The following FBXO7 variants were observed in gnomAD, a reference collection of about 807,000 sequenced individuals.
FBXO7 encodes the protein F-box protein 7.
FBXO7 carries 31 observed loss-of-function variants against 50.2 expected under a neutral mutation model. The observed-to-expected ratio is 0.62, with a 90% CI of 0.46 to 0.83. The LOEUF (loss-of-function observed/expected upper bound fraction) is 0.83. FBXO7 is among the 40% of genes least tolerant of loss of function. FBXO7 has a pLI of 0.00. For missense variants in FBXO7, 667 were observed against 646.6 expected, an observed-to-expected ratio of 1.03 and a Z score of -0.34; for synonymous variants, 256 against 253.1, an observed-to-expected ratio of 1.01 and a Z score of -0.11.
chr22:32,484,539 G>T (rs2057486223), intron 3 of FBXO7, among the ~76,000 whole-genome samples: 1 of 152,154 alleles, frequency 6.6e-6, no homozygotes, highest in Admixed American at 6.5e-5. Context: ...TAGAAATTAG[G>T]ATATAAAAAT....
intron 5 of FBXO7, chr22:32,489,761 TAA>T (rs1357525485): frequency 6.6e-6 from 1 of 152,270 alleles, no homozygotes; most frequent in African/African-American, 2.4e-5. Context: ...GTATTTTTAA[TAA>T]AGTCTTATGT....
chr22:32,488,866 C>T (rs1305182488), intron 5 of FBXO7: 1 of 152,080 alleles, frequency 6.6e-6, no homozygotes, highest in Non-Finnish European at 1.5e-5. Flanking sequence ...GCTGGAGTGC[C>T]GTGGCGCTAT....
At chr22:32,493,579 C>T (rs552703105) in intron 7 of FBXO7, among the ~76,000 whole-genome samples, 9 of 152,264 alleles carry the variant, frequency 5.9e-5, no homozygotes, top group African/African-American at 1.9e-4. Flanking sequence ...GACGTAGAAA[C>T]GAGCTGGCAT....
At chr22:32,478,159 A>G (rs1172417031) in intron 1 of FBXO7, 2 of 152,292 alleles carry the variant, frequency 1.3e-5, no homozygotes, top group African/African-American at 2.4e-5. Flanking sequence ...GTGAGAGAGG[A>G]TGGATGGCAC....
chr22:32,481,260 T>C (rs997807479), intron 2 of FBXO7, among the ~76,000 whole-genome samples: 1 of 152,236 alleles, frequency 6.6e-6, no homozygotes, highest in Non-Finnish European at 1.5e-5. Flanking sequence ...TTCTGCCTCA[T>C]AGAGGTAAAC....
chr22:32,482,459 CA>C (rs1207353888), intron 2 of FBXO7, among the ~76,000 whole-genome samples: 5 of 152,164 alleles, frequency 3.3e-5, no homozygotes, highest in African/African-American at 1.2e-4. Flanking sequence ...AAGAGTTGGG[CA>C]TATGCCTAGG....
At chr22:32,476,145 C>G (rs62241252) in intron 1 of FBXO7, among the ~76,000 whole-genome samples, 21,102 of 151,912 alleles carry the variant, frequency 0.14, 1,938 homozygotes, top group Non-Finnish European at 0.22. Context: ...ACTTCTCGCC[C>G]TTTCATTTTC....
Position 32,484,127 on chromosome 22 carries a change from A to T in FBXO7, c.645+3A>T, listed in dbSNP as rs370890171. 5.2e-5 allele frequency: 84 copies of T among 1,608,878 alleles called. No individual in the cohort carries two copies. Among genetic ancestry groups the T allele is most frequent in the Non-Finnish European group, 7.1e-5 (84 of 1,175,268 alleles). Reference sequence around the variant, plus strand: ...TGGAGTCAGGTTACATACCTCAGGTAAGTACTGCAAGCAAAACACAGACAT... The same window carrying T: ...TGGAGTCAGGTTACATACCTCAGGTTAGTACTGCAAGCAAAACACAGACAT... On this transcript the variant is annotated splice_donor_region_variant and intron_variant, in intron 3 of 8. Transcript: ENST00000266087.
chr22:32,475,093 A>G lies in FBXO7; in HGVS notation c.91A>G (p.Arg31Gly). Reference protein sequence around the residue: ...PTLGHLRSHLRQSLLCTWGYS... With the variant: ...PTLGHLRSHLGQSLLCTWGYS... ...GCTGGGGCATTTGCGCTCGCACCTG[A>G]GGCAGTCCCTGCTGTGCACCTGGGG... Residue 31 changes from arginine to glycine, a missense_variant, in exon 1 of 9, where the codon AGG (arginine) becomes GGG (glycine). Coordinates refer to ENST00000266087, the MANE Select transcript of FBXO7 (RefSeq NM_012179.4). 13 of 1,545,408 alleles carry G rather than the reference A, an allele frequency of 8.4e-6. No homozygotes were observed. The highest frequency in any genetic ancestry group is 1.1e-5 in the Non-Finnish European group (13 of 1,145,540).
chr22:32,476,265 A>G (rs962134225), intron 1 of FBXO7, among the ~76,000 whole-genome samples: 1 of 152,120 alleles, frequency 6.6e-6, no homozygotes, highest in Non-Finnish European at 1.5e-5. Flanking sequence ...AGTAAGTGAC[A>G]TGCCTACTGT....
At chr22:32,485,251 T>G (rs1241076403) in intron 4 of FBXO7, 42 bp downstream of exon 4, 1 of 1,613,216 alleles carries the variant, frequency 6.2e-7, no homozygotes, top group Non-Finnish European at 8.5e-7. Context: ...TTATGGATTC[T>G]TAGACGTTTC....
chr22:32,487,669 C>T, intron 4 of FBXO7, 76 bp from the exon 5 acceptor site: 1 of 892,668 alleles, frequency 1.1e-6, no homozygotes, highest in Non-Finnish European at 1.8e-6. Flanking sequence ...CTAGGAAATG[C>T]AAGCCCATAC....
At chr22:32,496,863 G>A (rs115510383) in intron 8 of FBXO7, among the ~76,000 whole-genome samples, 333 of 152,366 alleles carry the variant, frequency 2.2e-3, no homozygotes, top group African/African-American at 7.0e-3. Flanking sequence ...CTGGACAAAG[G>A]AAATTGAAAA....
At chr22:32,482,056 C>T (rs2057468500) in intron 2 of FBXO7, among the ~76,000 whole-genome samples, 1 of 152,044 alleles carries the variant, frequency 6.6e-6, no homozygotes, top group South Asian at 2.1e-4. Flanking sequence ...CATTTTTCCT[C>T]ATATATTCTG....
At chr22:32,498,107 AC>A in intron 8 of FBXO7, 36 bp from the exon 9 acceptor site, 1 of 1,607,752 alleles carries the variant, frequency 6.2e-7, no homozygotes, top group Non-Finnish European at 8.5e-7. Flanking sequence ...CAGATCACTT[AC>A]CTTATCTTGT....
At chr22:32,481,286 A>C (rs1242749698) in intron 2 of FBXO7, among the ~76,000 whole-genome samples, 2 of 152,204 alleles carry the variant, frequency 1.3e-5, no homozygotes, top group African/African-American at 4.8e-5. Context: ...AATGAGTAAG[A>C]ATATTTCGCT....
intron 8 of FBXO7, among the ~76,000 whole-genome samples, 193 bp downstream of exon 8, chr22:32,495,723 A>G (rs2057570039): frequency 6.6e-6 from 1 of 152,214 alleles, no homozygotes; most frequent in African/African-American, 2.4e-5. Context: ...ATGGAAAAAA[A>G]TGTTATCATT....
At chr22:32,486,639 C>G (rs559806843) in intron 4 of FBXO7, among the ~76,000 whole-genome samples, 3 of 152,146 alleles carry the variant, frequency 2.0e-5, no homozygotes, top group African/African-American at 7.2e-5. Context: ...TGGCCTCTTA[C>G]GAAATTTCTA....
At chr22:32,492,161 A>G (rs774474224) in intron 6 of FBXO7, 3 of 152,224 alleles carry the variant, frequency 2.0e-5, no homozygotes, top group South Asian at 2.1e-4. Context: ...ATCTACCACA[A>G]TTCTCCAACT....
Sources: gnomAD v4.1 joint callset for allele counts (sites outside exome capture counted in the v4.1 genomes callset) on GRCh38, gnomAD v4.1.1 for gene constraint, MANE v1.5 for transcripts, NCBI Gene and HGNC (gene_info 2026-07-23, HGNC 2026-07-21) for gene names.